Variants in CHST11 observed in about 807,000 individuals in gnomAD.
CHST11 encodes C4S-1.
A neutral mutation model predicts 30.4 loss-of-function variants in CHST11; 9 were observed. The observed-to-expected ratio is 0.30, with a 90% CI of 0.18 to 0.52. The LOEUF (loss-of-function observed/expected upper bound fraction) is 0.52. Among genes scored for constraint, CHST11 ranks in the 20% least tolerant of loss-of-function variants. The pLI is 0.97. For missense variants in CHST11, 348 were observed against 460.6 expected, an observed-to-expected ratio of 0.76 and a Z score of 2.24; for synonymous variants, 152 against 187.8, an observed-to-expected ratio of 0.81 and a Z score of 1.56.
At chr12:104,472,136 T>A (rs927158155) in intron 1 of CHST11, among the ~76,000 whole-genome samples, 3 of 147,206 alleles carry the variant, frequency 2.0e-5, no homozygotes, top group South Asian at 2.2e-4. Context: ...TTTGATTTTT[T>A]TTTTCTTTTT....
At chr12:104,597,030 G>C (rs2038912451) in intron 1 of CHST11, among the ~76,000 whole-genome samples, 1 of 152,148 alleles carries the variant, frequency 6.6e-6, no homozygotes, top group South Asian at 2.1e-4. Context: ...CATCTCCCCT[G>C]CATTCCAGCA....
chr12:104,572,075 T>C (rs1473315422), intron 1 of CHST11, among the ~76,000 whole-genome samples: 1 of 152,204 alleles, frequency 6.6e-6, no homozygotes, highest in African/African-American at 2.4e-5. Flanking sequence ...CACTTGATCA[T>C]GGTGGATAAG....
chr12:104,641,210 T>C (rs2039373383), intron 2 of CHST11, among the ~76,000 whole-genome samples: 1 of 152,168 alleles, frequency 6.6e-6, no homozygotes, highest in Non-Finnish European at 1.5e-5. Flanking sequence ...TTCAAGTCAT[T>C]TGTGTGACCT....
intron 2 of CHST11, among the ~76,000 whole-genome samples, chr12:104,633,091 G>A (rs1185679503): frequency 2.0e-5 from 3 of 152,226 alleles, no homozygotes; most frequent in East Asian, 3.8e-4. Context: ...ATAAATGCAC[G>A]AAAGCAGCTG....
rs1363686724 is a variant in CHST11, at chr12:104,457,346, G to C, written c.-66G>C. On this transcript the variant is annotated 5_prime_UTR_variant, in exon 1 of 3. Transcript: ENST00000303694. ...TCCCGGGCTCCGGTCCGCGCGGCGG[G>C]GTCCCTGCTCCTGCGCCCCGGGCGC... 1.7e-6 allele frequency: 2 copies of C among 1,178,120 alleles called. No homozygotes were observed. The highest frequency in any genetic ancestry group is 2.5e-6 in the Non-Finnish European group (2 of 800,700). The allele number at this position is 1,178,120 out of a possible 1,614,324, so 73.0% of individuals were successfully genotyped here. A position where few individuals can be genotyped will look rare whatever the true frequency, so the allele number is the denominator to read the frequency against.
At position 104,753,158 on chromosome 12, in the gene CHST11, G is replaced by A. The variant is rs539972847; in HGVS notation, c.205-3791G>A. ...TTTGCCTGTCTCAGCCTGTTTCCTC[G>A]TTGACAGAAGGCAATGCCGAGACCA... On this transcript the variant is annotated intron_variant, in intron 2 of 2. Coordinates refer to ENST00000303694, the MANE Select transcript of CHST11 (RefSeq NM_018413.6). Among the ~76,000 whole-genome samples the A allele has an allele frequency of 2.1e-4, 32 of 152,240 alleles. No homozygotes were observed. In the South Asian group the frequency reaches 2.7e-3, roughly 13 times the overall value.
chr12:104,556,999 A>G (rs2136013656), intron 1 of CHST11, among the ~76,000 whole-genome samples: 1 of 151,512 alleles, frequency 6.6e-6, no homozygotes, highest in Non-Finnish European at 1.5e-5. Context: ...AAAAAAAAAA[A>G]GATTTCCCTC....
At chr12:104,550,438 G>A (rs2038394426) in intron 1 of CHST11, among the ~76,000 whole-genome samples, 1 of 152,118 alleles carries the variant, frequency 6.6e-6, no homozygotes, top group Non-Finnish European at 1.5e-5. Context: ...TTTTTAAAGA[G>A]CCAAGCAGTA....
At chr12:104,551,222 A>G (rs1253030062) in intron 1 of CHST11, among the ~76,000 whole-genome samples, 1 of 152,196 alleles carries the variant, frequency 6.6e-6, no homozygotes, top group Non-Finnish European at 1.5e-5. Context: ...TTCGACAGGA[A>G]AAATTAATAG....
chr12:104,517,509 A>G (rs2038035894), intron 1 of CHST11, among the ~76,000 whole-genome samples: 1 of 152,198 alleles, frequency 6.6e-6, no homozygotes, highest in Admixed American at 6.5e-5. Flanking sequence ...ATGCATGTGG[A>G]ATTCCCTGGG....
At chr12:104,466,014 C>A (rs2037453999) in intron 1 of CHST11, among the ~76,000 whole-genome samples, 1 of 152,000 alleles carries the variant, frequency 6.6e-6, no homozygotes, top group African/African-American at 2.4e-5. Flanking sequence ...TGCCCGCCAT[C>A]ACGCCCAGCC....
At chr12:104,706,661 C>T (rs1043089956) in intron 2 of CHST11, among the ~76,000 whole-genome samples, 1 of 152,138 alleles carries the variant, frequency 6.6e-6, no homozygotes, top group African/African-American at 2.4e-5. Flanking sequence ...CTGTTTTTGT[C>T]TCATTGGAAG....
At position 104,757,436 on chromosome 12, in the gene CHST11, A is replaced by G; in HGVS notation, c.692A>G (p.Lys231Arg). 1 of 1,614,066 alleles carries G rather than the reference A, an allele frequency of 6.2e-7. No individual in the cohort carries two copies. The highest frequency in any genetic ancestry group is 1.1e-5 in the South Asian group (1 of 91,072). ...AACGCCACCCAGGAGGCCCTGCGCAAAGGGGACGATGTCAAATTCGAGGAG... is the reference window on the plus strand; with the variant it reads ...AACGCCACCCAGGAGGCCCTGCGCAGAGGGGACGATGTCAAATTCGAGGAG... ...RKNATQEALR[K>R]GDDVKFEEFV... is the part of the protein sequence containing the mutation. The change falls in exon 3 of 3, where the codon AAA becomes AGA. Residue 231 changes from lysine (K) to arginine (R), a missense_variant. Coordinates refer to ENST00000303694, the MANE Select transcript of CHST11 (RefSeq NM_018413.6). This position sits in a 1 kb window ranked among gnomAD's most constrained non-coding sequence, Gnocchi z 6.5.
chr12:104,615,867 G>A (rs549820325), intron 2 of CHST11, among the ~76,000 whole-genome samples: 10 of 152,296 alleles, frequency 6.6e-5, no homozygotes, highest in African/African-American at 9.6e-5. Context: ...AGTGGAGGCT[G>A]CAGTGAGCCA....
chr12:104,684,693 A>G (rs1233769947), intron 2 of CHST11, among the ~76,000 whole-genome samples: 1 of 152,088 alleles, frequency 6.6e-6, no homozygotes, highest in Non-Finnish European at 1.5e-5. Context: ...GATTACAGGC[A>G]TGCACTACCA....
chr12:104,550,996 G>A (rs2038398893), intron 1 of CHST11, among the ~76,000 whole-genome samples: 3 of 152,032 alleles, frequency 2.0e-5, no homozygotes, highest in Non-Finnish European at 2.9e-5. Context: ...GGATAAAGAG[G>A]AAAATAAGGT....
chr12:104,671,461 G>A (rs1472741240), intron 2 of CHST11, among the ~76,000 whole-genome samples: 1 of 152,152 alleles, frequency 6.6e-6, no homozygotes, highest in Non-Finnish European at 1.5e-5. Context: ...CCTGTCTACT[G>A]ATCATTACTG....
At chr12:104,733,891 G>T (rs1433850614) in intron 2 of CHST11, among the ~76,000 whole-genome samples, 1 of 152,230 alleles carries the variant, frequency 6.6e-6, no homozygotes, top group African/African-American at 2.4e-5. Context: ...AGCCAGCGGG[G>T]GGCGCTTTGA....
At chr12:104,466,189 T>C (rs1360637298) in intron 1 of CHST11, among the ~76,000 whole-genome samples, 1 of 152,038 alleles carries the variant, frequency 6.6e-6, no homozygotes, top group Non-Finnish European at 1.5e-5. Context: ...CAGAAAGATA[T>C]TTACTAGAGG....
Sources: allele counts gnomAD v4.1 joint callset (sites outside exome capture counted in the v4.1 genomes callset), GRCh38; gene constraint gnomAD v4.1.1; non-coding constraint Gnocchi (gnomAD v3.1); transcripts MANE v1.5; gene names NCBI Gene and HGNC (gene_info 2026-07-23, HGNC 2026-07-21).